The following KCNIP1 variants were observed in gnomAD, a reference collection of about 807,000 sequenced individuals.
KCNIP1 encodes the protein A-type potassium channel modulatory protein KCNIP1.
A neutral mutation model predicts 33.0 loss-of-function variants in KCNIP1; 18 were observed. The ratio of observed to expected loss-of-function variants is 0.55; its 90% CI spans 0.38 to 0.81. The LOEUF (loss-of-function observed/expected upper bound fraction) is 0.81. KCNIP1 is among the 30% of genes least tolerant of loss of function. KCNIP1 has a pLI of 0.00. For missense variants in KCNIP1, 238 were observed against 271.6 expected (o/e 0.88, Z 0.87); for synonymous variants, 93 against 98.3 (o/e 0.95, Z 0.32).
chr5:170,438,708 C>T (rs1376899019), intron 1 of KCNIP1, among the ~76,000 whole-genome samples: 1 of 152,138 alleles, frequency 6.6e-6, no homozygotes, highest in Non-Finnish European at 1.5e-5. Context: ...CTCTTTCTCA[C>T]CCCCAAGCCA....
chr5:170,453,450 A>G (rs548301673), intron 1 of KCNIP1, among the ~76,000 whole-genome samples: 2 of 152,348 alleles, frequency 1.3e-5, no homozygotes, highest in African/African-American at 4.8e-5. Context: ...GGGGTACCAC[A>G]TTCCTGGTTC....
chr5:170,362,482 G>A (rs1763540627), intron 1 of KCNIP1, among the ~76,000 whole-genome samples: 2 of 152,184 alleles, frequency 1.3e-5, no homozygotes, highest in Non-Finnish European at 2.9e-5. Context: ...TGCCCTCTGA[G>A]ACTCAAGCTC....
chr5:170,628,762 G>T (rs556320861), intron 1 of KCNIP1, among the ~76,000 whole-genome samples: 1 of 152,192 alleles, frequency 6.6e-6, no homozygotes, highest in Non-Finnish European at 1.5e-5. Context: ...CAGTGCACGC[G>T]CTTCTGGCAG....
At chr5:170,641,853 C>T (rs555606538) in intron 1 of KCNIP1, among the ~76,000 whole-genome samples, 175 of 152,228 alleles carry the variant, frequency 1.1e-3, no homozygotes, top group Non-Finnish European at 2.1e-3. Context: ...GGGAGCTTCC[C>T]GGGACCTCGC....
chr5:170,368,742 T>G (rs962589687), intron 1 of KCNIP1, among the ~76,000 whole-genome samples: 2 of 152,248 alleles, frequency 1.3e-5, no homozygotes, highest in Non-Finnish European at 2.9e-5. Flanking sequence ...TCATGCCATG[T>G]GGCAATACAC....
intron 1 of KCNIP1, among the ~76,000 whole-genome samples, chr5:170,440,925 T>C (rs1327750352): frequency 6.6e-6 from 1 of 152,096 alleles, no homozygotes; most frequent in East Asian, 1.9e-4. Flanking sequence ...CTCACAGGTG[T>C]TCTCTCCCCC....
intron 1 of KCNIP1, among the ~76,000 whole-genome samples, chr5:170,439,867 TGGA>T (rs1755948897): frequency 6.6e-6 from 1 of 152,184 alleles, no homozygotes; most frequent in South Asian, 2.1e-4. Context: ...GATTAGATCC[TGGA>T]GGAGAGGCCC....
At chr5:170,674,860 A>T (rs572795225) in intron 1 of KCNIP1, among the ~76,000 whole-genome samples, 1 of 152,264 alleles carries the variant, frequency 6.6e-6, no homozygotes, top group African/African-American at 2.4e-5. Context: ...AGACCCTGGG[A>T]TGGAGAGCCA....
chr5:170,604,013 G>T (rs2113595386), intron 1 of KCNIP1, among the ~76,000 whole-genome samples: 1 of 152,294 alleles, frequency 6.6e-6, no homozygotes, highest in East Asian at 1.9e-4. Context: ...TGAAACTGGA[G>T]AAGAAAACTG....
chr5:170,412,974 T>G (rs1485144790), intron 1 of KCNIP1, among the ~76,000 whole-genome samples: 1 of 152,160 alleles, frequency 6.6e-6, no homozygotes, highest in Non-Finnish European at 1.5e-5. Flanking sequence ...CTCCTGTCCC[T>G]CTGGAATGGA....
At chr5:170,563,088 T>C (rs1757090674) in intron 1 of KCNIP1, among the ~76,000 whole-genome samples, 1 of 152,198 alleles carries the variant, frequency 6.6e-6, no homozygotes, top group Non-Finnish European at 1.5e-5. Context: ...GCAGAAGACC[T>C]GCTAGGAGAG....
chr5:170,379,348 G>A (rs1193958091), intron 1 of KCNIP1, among the ~76,000 whole-genome samples: 1 of 152,116 alleles, frequency 6.6e-6, no homozygotes, highest in Non-Finnish European at 1.5e-5. Context: ...TATGAAAGAA[G>A]GACTTCACAC....
At chr5:170,439,940 C>T (rs13166619) in intron 1 of KCNIP1, among the ~76,000 whole-genome samples, 58,616 of 152,072 alleles carry the variant, frequency 0.39, 11,483 homozygotes, top group African/African-American at 0.41. Context: ...ATCCCCGTGC[C>T]ACAGGCTGAG....
At chr5:170,519,676 T>C (rs899773250) in intron 1 of KCNIP1, among the ~76,000 whole-genome samples, 6 of 152,160 alleles carry the variant, frequency 3.9e-5, no homozygotes, top group African/African-American at 9.7e-5. Flanking sequence ...GCCTGCAGCC[T>C]TTATCTGTCT....
In KCNIP1 at chr5:170,445,403, A is replaced by G. The variant is rs369838264; in HGVS notation, c.88+91439A>G. Among the ~76,000 whole-genome samples, 671 of 152,372 alleles carry G rather than the reference A, an allele frequency of 4.4e-3. 7 individuals are homozygous for G. Among genetic ancestry groups the G allele is most frequent in the African/African-American group, 0.015 (641 of 41,590 alleles). ...GGGCAAGCCAAGAGAAGACTTGGAC[A>G]GTGCCTGCCACCATGGCTGCGAGTG... On this transcript the variant is annotated intron_variant, in intron 1 of 7. Transcript: ENST00000377360.
At chr5:170,531,407 C>T (rs183634678) in intron 1 of KCNIP1, among the ~76,000 whole-genome samples, 1 of 152,290 alleles carries the variant, frequency 6.6e-6, no homozygotes, top group Admixed American at 6.5e-5. Context: ...CTGAGGACCA[C>T]CAATGAGGTG....
chr5:170,649,958 C>G (rs1283346382), intron 1 of KCNIP1, among the ~76,000 whole-genome samples: 2 of 152,006 alleles, frequency 1.3e-5, no homozygotes, highest in African/African-American at 4.8e-5. Context: ...GAGAAAGAGC[C>G]AGGAAAGAGA....
At chr5:170,525,316 A>G (rs559184627) in intron 1 of KCNIP1, among the ~76,000 whole-genome samples, 1 of 152,328 alleles carries the variant, frequency 6.6e-6, no homozygotes, top group African/African-American at 2.4e-5. Context: ...CCTGAGCCTC[A>G]GTTTTCTCTT....
chr5:170,408,777 C>T (rs1354419767), intron 1 of KCNIP1, among the ~76,000 whole-genome samples: 1 of 152,136 alleles, frequency 6.6e-6, no homozygotes, highest in Admixed American at 6.5e-5. Flanking sequence ...TCAAAAAAAC[C>T]TTAGCTGAAA....
Sources: allele counts gnomAD v4.1 joint callset (sites outside exome capture counted in the v4.1 genomes callset), GRCh38; gene constraint gnomAD v4.1.1; transcripts MANE v1.5; gene names NCBI Gene and HGNC (gene_info 2026-07-23, HGNC 2026-07-21).